The following RIMS1 variants were observed in gnomAD, a reference collection of about 807,000 sequenced individuals.
RIMS1 encodes the protein regulating synaptic membrane exocytosis protein 1.
In RIMS1, 83 loss-of-function variants were observed where a neutral mutation model predicts 214.1. The observed-to-expected ratio is 0.39, with a 90% CI of 0.32 to 0.47. The LOEUF (loss-of-function observed/expected upper bound fraction) is 0.47, where lower values mean the gene tolerates loss of function less well. Ranked by LOEUF, RIMS1 falls within the 20% of genes least tolerant of loss-of-function variation. RIMS1 has a pLI of 0.99. For synonymous variants in RIMS1, 793 were observed against 786.8 expected, an observed-to-expected ratio of 1.01 and a Z score of -0.13; for missense variants, 2,050 against 2,161.8, an observed-to-expected ratio of 0.95 and a Z score of 1.03.
Position 72,126,970 on chromosome 6 carries a change from C to T in RIMS1, c.471+26984C>T, listed in dbSNP as rs931792817. Among the ~76,000 whole-genome samples the T allele has an allele frequency of 7.9e-5, 12 of 152,096 alleles. No homozygotes were observed. In the East Asian group the frequency reaches 1.3e-3, roughly 17 times the overall value. ...GAAGTCATTATGTGAAAAAGATACA[C>T]GCACATGCATAATTTTGAGAATGAA... On this transcript the variant is annotated intron_variant, in intron 4 of 33. Transcript: ENST00000521978.
chr6:72,240,121 AT>A (rs1370521784), intron 9 of RIMS1, among the ~76,000 whole-genome samples: 1 of 152,206 alleles, frequency 6.6e-6, no homozygotes, highest in Non-Finnish European at 1.5e-5. Flanking sequence ...TTAAAGACAG[AT>A]AAAATGTCAT....
intron 2 of RIMS1, among the ~76,000 whole-genome samples, chr6:72,090,032 A>T (rs1361122367): frequency 1.4e-5 from 1 of 72,712 alleles, no homozygotes. Flanking sequence ...GGGTGGGGGG[A>T]GGGGGGAGGG....
rs559527954 is a variant in RIMS1 at position 72,058,338 on chromosome 6, CA to C, written c.246-38610del. 3.7e-3 allele frequency among the ~76,000 whole-genome samples: 564 copies of C among 152,298 alleles called. 3 individuals carry two copies. The highest frequency in any genetic ancestry group is 6.8e-3 in the Middle Eastern group (2 of 294). On this transcript the variant is annotated intron_variant, in intron 2 of 33. Transcript: ENST00000521978. The stretch of plus-strand genomic sequence containing the variant: ...TTTCAGAGATGACACCCATCTTTAT[CA>C]TTTAAACAAAAGTTTACAAAAGGCT...
In RIMS1 at chr6:72,274,444, C is replaced by T. The variant is rs369171178; in HGVS notation, c.3482+12C>T. On this transcript the variant is annotated intron_variant, in intron 23 of 33. Coordinates refer to ENST00000521978, the MANE Select transcript of RIMS1 (RefSeq NM_014989.7). ...CCGGAGAATGACAGGTACTAGTCAA[C>T]TCCTCCTCACAGACAAGTGGCTTCT... 26 of 1,602,364 alleles carry T rather than the reference C, an allele frequency of 1.6e-5. No homozygotes were observed. The African/African-American group carries it at 3.1e-4, about 19-fold the overall frequency.
At chr6:72,011,495 A>G (rs1810587457) in intron 2 of RIMS1, among the ~76,000 whole-genome samples, 1 of 152,262 alleles carries the variant, frequency 6.6e-6, no homozygotes, top group African/African-American at 2.4e-5. Flanking sequence ...TAATCAAACT[A>G]AAGAGCTTCT....
chr6:72,122,200 C>CT (rs536980610), intron 4 of RIMS1, among the ~76,000 whole-genome samples: 3 of 64,650 alleles, frequency 4.6e-5, no homozygotes, highest in African/African-American at 1.0e-4. Flanking sequence ...CCCTCTTTTC[C>CT]TTTTTTCTTT....
In RIMS1 at chr6:72,026,461, C is replaced by T. The variant is rs541562207; in HGVS notation, c.245+57398C>T. Among the ~76,000 whole-genome samples, 277 of 141,060 alleles carry T rather than the reference C, an allele frequency of 2.0e-3. 2 individuals are homozygous for T. The highest frequency in any genetic ancestry group is 4.5e-3 in the South Asian group (18 of 4,014). The allele number at this position is 141,060 out of a possible 152,430, so 92.5% of individuals were successfully genotyped here. A position where few individuals can be genotyped will look rare whatever the true frequency, so the allele number is the denominator to read the frequency against. On this transcript the variant is annotated intron_variant, in intron 2 of 33. Transcript: ENST00000521978. ...ATTCTTCTCCCCCAGCACCGCCCCC[C>T]CCCCCAACTTTTTTTTTTCAAACTA...
chr6:72,195,499 A>G (rs866046159), intron 6 of RIMS1, among the ~76,000 whole-genome samples: 6 of 152,166 alleles, frequency 3.9e-5, no homozygotes, highest in African/African-American at 1.2e-4. Flanking sequence ...ACCCCTAAAT[A>G]TAGAGATGGT....
intron 2 of RIMS1, among the ~76,000 whole-genome samples, chr6:72,083,718 C>T (rs537879666): frequency 9.2e-5 from 14 of 152,260 alleles, no homozygotes; most frequent in East Asian, 3.9e-4. Flanking sequence ...AGGCTACACA[C>T]GGTGCTAAGC....
At chr6:72,043,358 A>C (rs1821999052) in intron 2 of RIMS1, among the ~76,000 whole-genome samples, 1 of 151,888 alleles carries the variant, frequency 6.6e-6, no homozygotes, top group African/African-American at 2.4e-5. Flanking sequence ...ATCTAGGAAG[A>C]AAATCTTTTA....
chr6:72,366,166 A>G (rs1445363536), intron 29 of RIMS1, among the ~76,000 whole-genome samples: 1 of 152,080 alleles, frequency 6.6e-6, no homozygotes, highest in Non-Finnish European at 1.5e-5. Flanking sequence ...TTCTCGTGGC[A>G]GTAGGGTGGG....
chr6:72,129,570 T>C (rs1178483627), intron 4 of RIMS1, among the ~76,000 whole-genome samples: 3 of 152,178 alleles, frequency 2.0e-5, no homozygotes, highest in African/African-American at 7.2e-5. Context: ...TTATATTTTA[T>C]AAGTATAAGA....
At position 72,158,052 on chromosome 6, in the gene RIMS1, T is replaced by C. The variant is rs147898313; in HGVS notation, c.472-21523T>C. On this transcript the variant is annotated intron_variant, in intron 4 of 33. Transcript: ENST00000521978. The stretch of plus-strand genomic sequence containing the variant: ...GTGATTTATTATAATGACAAATATG[T>C]TAAATTATGCTTGTTTGTCATCAAT... Among the ~76,000 whole-genome samples, 206 of 141,106 alleles carry C rather than the reference T, an allele frequency of 1.5e-3. 19 individuals are homozygous for C. The highest frequency in any genetic ancestry group is 4.7e-3 in the African/African-American group (191 of 40,850). 92.6% of individuals were successfully genotyped at this position (141,106 alleles called of 152,430 possible).
chr6:72,114,500 A>T (rs2036693425), intron 4 of RIMS1, among the ~76,000 whole-genome samples: 1 of 152,002 alleles, frequency 6.6e-6, no homozygotes, highest in Admixed American at 6.6e-5. Flanking sequence ...TGTTATAAAA[A>T]TTTTATGCTG....
At chr6:72,330,794 C>A (rs978245529) in intron 28 of RIMS1, among the ~76,000 whole-genome samples, 11 of 151,700 alleles carry the variant, frequency 7.3e-5, no homozygotes, top group African/African-American at 2.2e-4. Context: ...TTAGATTAAT[C>A]TGACTGATTA....
chr6:72,362,175 T>A (rs2097850890), intron 29 of RIMS1, among the ~76,000 whole-genome samples: 1 of 152,060 alleles, frequency 6.6e-6, no homozygotes. Context: ...TTCATACCAA[T>A]CTTTCCCTAG....
chr6:72,068,771 C>T (rs1829908668), intron 2 of RIMS1, among the ~76,000 whole-genome samples: 4 of 151,786 alleles, frequency 2.6e-5, no homozygotes, highest in Admixed American at 2.0e-4. Flanking sequence ...ATTAGCTGGG[C>T]GTGGTGGCGG....
At chr6:72,189,358 A>T (rs2049677406) in intron 6 of RIMS1, among the ~76,000 whole-genome samples, 1 of 152,200 alleles carries the variant, frequency 6.6e-6, no homozygotes, top group Admixed American at 6.5e-5. Context: ...CATGAGCATG[A>T]GCCCACTGCT....
intron 1 of RIMS1, among the ~76,000 whole-genome samples, chr6:71,965,562 A>T (rs1221495209): frequency 2.6e-5 from 4 of 152,180 alleles, no homozygotes; most frequent in Admixed American, 1.3e-4. Context: ...GGCAGTTGGC[A>T]ACCATTCATC....
Sources: allele counts gnomAD v4.1 joint callset (sites outside exome capture counted in the v4.1 genomes callset), GRCh38; gene constraint gnomAD v4.1.1; transcripts MANE v1.5; gene names NCBI Gene and HGNC (gene_info 2026-07-23, HGNC 2026-07-21).